ATE1: variants seen among roughly 807,000 people sequenced by gnomAD.
ATE1 encodes the protein arginyltransferase 1, also known as arginyl-tRNA--protein transferase 1.
ATE1 carries 36 observed loss-of-function variants against 70.5 expected under a neutral mutation model. The ratio of observed to expected loss-of-function variants is 0.51; its 90% CI spans 0.39 to 0.67. The LOEUF (loss-of-function observed/expected upper bound fraction) is 0.67. Among genes scored for constraint, ATE1 ranks in the 30% least tolerant of loss-of-function variants. The pLI, the probability that ATE1 is intolerant of heterozygous loss-of-function variation, is 0.00. For synonymous variants in ATE1, 232 were observed against 219.3 expected (o/e 1.06, Z -0.51); for missense variants, 593 against 629.5 (o/e 0.94, Z 0.62).
At chr10:121,788,422 G>A (rs900135429) in intron 11 of ATE1, among the ~76,000 whole-genome samples, 1 of 152,140 alleles carries the variant, frequency 6.6e-6, no homozygotes, top group African/African-American at 2.4e-5. Flanking sequence ...GGGTCCCTAT[G>A]GTCACTCGTC....
intron 10 of ATE1, 117 bp downstream of exon 10, chr10:121,836,601 C>A: frequency 1.7e-6 from 1 of 595,180 alleles, no homozygotes; most frequent in South Asian, 2.5e-5. Context: ...AAAGAGATTT[C>A]CTATTAACCC....
intron 11 of ATE1, among the ~76,000 whole-genome samples, chr10:121,781,351 C>A (rs1470775541): frequency 6.6e-6 from 1 of 152,162 alleles, no homozygotes; most frequent in Non-Finnish European, 1.5e-5. Flanking sequence ...CATGTAGGAG[C>A]CTGCTCTGTA....
intron 8 of ATE1, among the ~76,000 whole-genome samples, chr10:121,869,718 A>G (rs1179055518): frequency 6.6e-6 from 1 of 152,236 alleles, no homozygotes; most frequent in Non-Finnish European, 1.5e-5. Context: ...AAGATACAAC[A>G]AGCCTCTTTA....
intron 7 of ATE1, among the ~76,000 whole-genome samples, chr10:121,876,511 T>C (rs953652558): frequency 2.0e-5 from 3 of 152,322 alleles, no homozygotes; most frequent in Non-Finnish European, 4.4e-5. Flanking sequence ...ACCAATGATA[T>C]ACATATGAAC....
At chr10:121,762,647 G>A (rs566087238) in intron 11 of ATE1, among the ~76,000 whole-genome samples, 156 of 152,286 alleles carry the variant, frequency 1.0e-3, no homozygotes, top group Non-Finnish European at 1.8e-3. Context: ...GTGAGTGTGC[G>A]TGTGCCCTGC....
intron 8 of ATE1, among the ~76,000 whole-genome samples, chr10:121,858,268 C>G (rs1949321157): frequency 6.6e-6 from 1 of 152,142 alleles, no homozygotes; most frequent in South Asian, 2.1e-4. Context: ...TCCACTGCAG[C>G]TGTACCATTT....
intron 3 of ATE1, among the ~76,000 whole-genome samples, chr10:121,922,146 C>A: frequency 6.6e-6 from 1 of 152,040 alleles, no homozygotes; most frequent in Non-Finnish European, 1.5e-5. Context: ...ATATCTGAAC[C>A]AATCAAACAA....
At chr10:121,744,947 C>T (rs1325854362) in intron 11 of ATE1, among the ~76,000 whole-genome samples, 2 of 152,112 alleles carry the variant, frequency 1.3e-5, no homozygotes, top group Admixed American at 6.5e-5. Context: ...CTGCCTGGAA[C>T]GTTGGACTTC....
intron 11 of ATE1, among the ~76,000 whole-genome samples, chr10:121,770,362 A>G (rs996483233): frequency 2.0e-5 from 3 of 152,098 alleles, no homozygotes; most frequent in Admixed American, 1.3e-4. Flanking sequence ...GGATATTTTT[A>G]CTAGGCTATA....
intron 7 of ATE1, among the ~76,000 whole-genome samples, chr10:121,889,756 T>C (rs1950519589): frequency 6.6e-6 from 1 of 151,624 alleles, no homozygotes; most frequent in Non-Finnish European, 1.5e-5. Flanking sequence ...AAGGCTGCAG[T>C]GAACTATGAC....
rs560645124 is a variant in ATE1 at position 121,756,775 on chromosome 10, G to C, written c.1379-12917C>G. On this transcript the variant is annotated intron_variant, in intron 11 of 11. Coordinates refer to ENST00000224652, the MANE Select transcript of ATE1 (RefSeq NM_001001976.3). ...AGTCCCTAGGCTGTACACAGCACAG[G>C]GACCCCTGGGCCCAGCCCATAAAAC... Among the ~76,000 whole-genome samples the C allele has an allele frequency of 8.5e-5, 13 of 152,274 alleles. No individual in the cohort carries two copies. In the East Asian group the frequency reaches 2.3e-3, roughly 27 times the overall value.
At chr10:121,889,183 T>A (rs1199215547) in intron 7 of ATE1, among the ~76,000 whole-genome samples, 1 of 152,148 alleles carries the variant, frequency 6.6e-6, no homozygotes, top group East Asian at 1.9e-4. Context: ...TTTGTGAAAT[T>A]TCATCTATCT....
At chr10:121,780,155 A>T (rs2135947779) in intron 11 of ATE1, among the ~76,000 whole-genome samples, 1 of 152,266 alleles carries the variant, frequency 6.6e-6, no homozygotes, top group East Asian at 1.9e-4. Context: ...TGCCTCCTTG[A>T]CATCTCTACC....
chr10:121,868,600 T>C (rs74158460), intron 8 of ATE1, among the ~76,000 whole-genome samples: 1 of 152,304 alleles, frequency 6.6e-6, no homozygotes, highest in African/African-American at 2.4e-5. Flanking sequence ...CCACAGATCA[T>C]CTCATTTAAT....
intron 11 of ATE1, among the ~76,000 whole-genome samples, chr10:121,745,350 C>T (rs926310257): frequency 2.2e-4 from 34 of 152,148 alleles, no homozygotes; most frequent in African/African-American, 3.1e-4. Context: ...ATCCCCTCCC[C>T]GGAGATCCTA....
intron 7 of ATE1, among the ~76,000 whole-genome samples, chr10:121,898,381 TC>T (rs1453241017): frequency 1.1e-4 from 16 of 152,238 alleles, no homozygotes; most frequent in African/African-American, 3.9e-4. Context: ...TTATAAGTGT[TC>T]TGAGAATGTG....
Position 121,927,999 on chromosome 10 carries a change from G to GGCC in ATE1, c.-53_-51dup, listed in dbSNP as rs755372362. 1 of 1,400,552 alleles carries GGCC rather than the reference G, an allele frequency of 7.1e-7. No homozygotes were observed. The highest frequency in any genetic ancestry group is 9.3e-7 in the Non-Finnish European group (1 of 1,073,934). 86.8% of individuals were successfully genotyped at this position (1,400,552 alleles called of 1,614,324 possible). ...CCGCCCGGCCCCGCGTCGCTAGCGC[G>GGCC]GCCGCCGCCGCCACCCCACAATGCA... On this transcript the variant is annotated 5_prime_UTR_variant, in exon 1 of 12. Coordinates refer to ENST00000224652, the MANE Select transcript of ATE1 (RefSeq NM_001001976.3).
chr10:121,763,347 G>A (rs1945134760), intron 11 of ATE1, among the ~76,000 whole-genome samples: 1 of 151,970 alleles, frequency 6.6e-6, no homozygotes, highest in South Asian at 2.1e-4. Flanking sequence ...GCCAACAAGT[G>A]GAAACAACAA....
At chr10:121,844,168 C>T (rs10788214) in intron 8 of ATE1, among the ~76,000 whole-genome samples, 46,584 of 152,088 alleles carry the variant, frequency 0.31, 8,373 homozygotes, top group Middle Eastern at 0.44. Context: ...GGGAGGCCGA[C>T]GTGGGAGGAT....
Sources: gnomAD v4.1 joint callset for allele counts (sites outside exome capture counted in the v4.1 genomes callset) on GRCh38, gnomAD v4.1.1 for gene constraint, MANE v1.5 for transcripts, NCBI Gene and HGNC (gene_info 2026-07-23, HGNC 2026-07-21) for gene names.